The following RPS6KC1 variants were observed in gnomAD, a reference collection of about 807,000 sequenced individuals.
RPS6KC1 encodes the protein inactive ribosomal protein S6 kinase delta-1.
RPS6KC1 carries 54 observed loss-of-function variants against 103.8 expected under a neutral mutation model. That is an observed-to-expected ratio of 0.52 (90% confidence interval 0.42 to 0.65). RPS6KC1 has a LOEUF of 0.65. Among genes scored for constraint, RPS6KC1 ranks in the 30% least tolerant of loss-of-function variants. The pLI, the probability that RPS6KC1 is intolerant of heterozygous loss-of-function variation, is 0.00. For synonymous variants in RPS6KC1, 439 were observed against 438.7 expected, an observed-to-expected ratio of 1.00 and a Z score of -0.01; for missense variants, 1,151 against 1,253.8, an observed-to-expected ratio of 0.92 and a Z score of 1.24.
At chr1:213,088,070 G>A (rs772786690) in intron 3 of RPS6KC1, among the ~76,000 whole-genome samples, 57 of 152,158 alleles carry the variant, frequency 3.7e-4, no homozygotes, top group Non-Finnish European at 6.5e-4. Flanking sequence ...CTGGTGAGTT[G>A]GTTCCTCATA....
At chr1:213,787,706 A>G in the RPS6KC1 span, among the ~76,000 whole-genome samples, 28 of 152,286 alleles carry the variant, frequency 1.8e-4, no homozygotes, top group African/African-American at 6.5e-4. Flanking sequence ...GACATAATAC[A>G]TTTGTAAAAT....
chr1:213,162,117 T>G (rs1323121607), intron 6 of RPS6KC1, among the ~76,000 whole-genome samples: 1 of 152,226 alleles, frequency 6.6e-6, no homozygotes, highest in East Asian at 1.9e-4. Flanking sequence ...TCTTTTTCGT[T>G]TGGTGTCTGT....
chr1:213,546,296 C>G, the RPS6KC1 span: 1 of 152,196 alleles, frequency 6.6e-6, no homozygotes. Flanking sequence ...CAAAGCTGAT[C>G]ATTCAGTGGA....
the RPS6KC1 span, among the ~76,000 whole-genome samples, chr1:213,387,390 G>A: frequency 6.6e-6 from 1 of 152,168 alleles, no homozygotes; most frequent in Admixed American, 6.6e-5. Flanking sequence ...GTCCCAGATT[G>A]ACCTATCACC....
At chr1:213,615,992 G>C in the RPS6KC1 span, among the ~76,000 whole-genome samples, 23 of 152,354 alleles carry the variant, frequency 1.5e-4, no homozygotes, top group South Asian at 4.6e-3. Flanking sequence ...TTCACCCAAA[G>C]TGGGCAAAAC....
At chr1:213,623,083 A>G in the RPS6KC1 span, among the ~76,000 whole-genome samples, 10 of 152,318 alleles carry the variant, frequency 6.6e-5, no homozygotes, top group African/African-American at 2.2e-4. Flanking sequence ...TTTGTTCTCT[A>G]GGCCCCATCT....
chr1:213,658,103 A>G, the RPS6KC1 span, among the ~76,000 whole-genome samples: 4 of 152,214 alleles, frequency 2.6e-5, no homozygotes, highest in Admixed American at 6.5e-5. Flanking sequence ...TGCGCACTGT[A>G]AAGAACAATC....
At chr1:213,529,336 G>A in the RPS6KC1 span, among the ~76,000 whole-genome samples, 3 of 152,188 alleles carry the variant, frequency 2.0e-5, no homozygotes, top group Non-Finnish European at 2.9e-5. Context: ...TTCATGGTCT[G>A]TGAAAAGCCA....
chr1:213,257,545 C>G lies in RPS6KC1; in HGVS notation c.2912-4013C>G, dbSNP rs375378134. The stretch of plus-strand genomic sequence containing the variant: ...CAAAGTCACCATACCCAAATAAGTT[C>G]TTCCATAAGGTTGCTTAGAGATTGT... On this transcript the variant is annotated intron_variant, in intron 12 of 14. Transcript: ENST00000366960. 9.9e-5 allele frequency among the ~76,000 whole-genome samples: 15 copies of G among 152,280 alleles called. No homozygotes were observed. In the East Asian group the frequency reaches 2.5e-3, roughly 25 times the overall value.
chr1:213,398,885 C>A, the RPS6KC1 span, among the ~76,000 whole-genome samples: 1 of 152,100 alleles, frequency 6.6e-6, no homozygotes, highest in Admixed American at 6.5e-5. Flanking sequence ...TGCCTCTACA[C>A]TGAATAAATG....
At chr1:213,400,080 G>A in the RPS6KC1 span, among the ~76,000 whole-genome samples, 1 of 152,088 alleles carries the variant, frequency 6.6e-6, no homozygotes, top group African/African-American at 2.4e-5. Context: ...GGTGGGCGGG[G>A]CTGCATAACC....
At chr1:213,745,791 A>C in the RPS6KC1 span, among the ~76,000 whole-genome samples, 1 of 152,108 alleles carries the variant, frequency 6.6e-6, no homozygotes, top group East Asian at 1.9e-4. Context: ...CTTTGTCAAC[A>C]CTTTTCTCCT....
intron 6 of RPS6KC1, among the ~76,000 whole-genome samples, chr1:213,146,117 C>A (rs895274981): frequency 1.3e-5 from 2 of 149,872 alleles, no homozygotes; most frequent in Non-Finnish European, 3.0e-5. Flanking sequence ...TATTTAGATC[C>A]CACAAATAAG....
chr1:213,480,734 C>T, the RPS6KC1 span, among the ~76,000 whole-genome samples: 3 of 152,076 alleles, frequency 2.0e-5, no homozygotes, highest in Admixed American at 1.3e-4. Context: ...TCCATTCTAT[C>T]TCCTACTATT....
intron 4 of RPS6KC1, among the ~76,000 whole-genome samples, chr1:213,114,464 A>G (rs899060912): frequency 1.3e-5 from 2 of 151,008 alleles, no homozygotes; most frequent in African/African-American, 2.5e-5. Context: ...GGGCTGAGAC[A>G]GTGGGGTTTT....
chr1:213,810,206 G>C, the RPS6KC1 span, among the ~76,000 whole-genome samples: 1 of 152,192 alleles, frequency 6.6e-6, no homozygotes, highest in African/African-American at 2.4e-5. Context: ...TATGAAGCAA[G>C]CCTGAGGAGG....
At chr1:213,662,371 C>T in the RPS6KC1 span, among the ~76,000 whole-genome samples, 1 of 152,006 alleles carries the variant, frequency 6.6e-6, no homozygotes, top group Non-Finnish European at 1.5e-5. Flanking sequence ...AAGCAATCCT[C>T]CAATCTCAGC....
At chr1:213,446,142 C>T in the RPS6KC1 span, among the ~76,000 whole-genome samples, 2 of 152,208 alleles carry the variant, frequency 1.3e-5, no homozygotes, top group East Asian at 3.9e-4. Context: ...GCCTGCATGA[C>T]TTTCCACTCC....
At chr1:213,199,636 G>T (rs1030219482) in intron 8 of RPS6KC1, among the ~76,000 whole-genome samples, 4 of 152,224 alleles carry the variant, frequency 2.6e-5, no homozygotes, top group African/African-American at 4.8e-5. Flanking sequence ...AGTATTGGAA[G>T]TCTTGGCCAG....
Sources: gnomAD v4.1 joint callset for allele counts (sites outside exome capture counted in the v4.1 genomes callset) on GRCh38, gnomAD v4.1.1 for gene constraint, MANE v1.5 for transcripts, NCBI Gene and HGNC (gene_info 2026-07-23, HGNC 2026-07-21) for gene names.